SP3: variants seen among roughly 807,000 people sequenced by gnomAD.
SP3 encodes Sp3 transcription factor, also known as transcription factor Sp3.
Under a neutral mutation model 70.3 loss-of-function variants are expected in SP3, and 10 were observed. That is an observed-to-expected ratio of 0.14 (90% CI 0.09 to 0.24). The LOEUF is 0.24. Among genes scored for constraint, SP3 ranks in the 10% least tolerant of loss-of-function variants. The probability of loss-of-function intolerance (pLI) is 1.00; values close to 1 mark genes in which losing one functional copy is unlikely to be tolerated. For synonymous variants in SP3, 402 were observed against 333.5 expected, an observed-to-expected ratio of 1.21 and a Z score of -2.24; for missense variants, 825 against 914.6, an observed-to-expected ratio of 0.90 and a Z score of 1.26.
rs184750710 is a variant in SP3 at position 173,950,767 on chromosome 2, T to C, written c.1639+4106A>G. Among the ~76,000 whole-genome samples, 214 of 152,334 alleles carry C rather than the reference T, an allele frequency of 1.4e-3. 2 individuals carry two copies. The highest frequency in any genetic ancestry group is 3.2e-3 in the Admixed American group (49 of 15,292). On this transcript the variant is annotated intron_variant, in intron 4 of 6. Transcript: ENST00000310015. ...CTGAAACAAAAATGTTTTGCTCTGA[T>C]TTTCTAGTGAGAAAAAGCATCTTAA...
At chr2:173,950,874 G>A (rs1690692332) in intron 4 of SP3, among the ~76,000 whole-genome samples, 1 of 152,028 alleles carries the variant, frequency 6.6e-6, no homozygotes, top group African/African-American at 2.4e-5. Flanking sequence ...TACTAAATAT[G>A]CTATGTCTTA....
At chr2:173,947,542 C>T (rs1276559608) in intron 4 of SP3, among the ~76,000 whole-genome samples, 5 of 152,154 alleles carry the variant, frequency 3.3e-5, no homozygotes, top group Non-Finnish European at 7.4e-5. Context: ...TTCTCATGTA[C>T]AGGATTTGAT....
At chr2:173,931,344 T>TTTGTTGTTGTTGTTG (rs111299743) in intron 4 of SP3, among the ~76,000 whole-genome samples, 1 of 151,254 alleles carries the variant, frequency 6.6e-6, no homozygotes, top group Admixed American at 6.6e-5. Context: ...GCCTGGCATT[T>TTTGTTGTTGTTGTTG]TTGTTGTTGT....
intron 4 of SP3, among the ~76,000 whole-genome samples, chr2:173,920,596 AATTT>A (rs60175008): frequency 9.2e-5 from 14 of 151,488 alleles, no homozygotes; most frequent in East Asian, 7.7e-4. Context: ...GCTCTTTAAA[AATTT>A]ATTTATTTAT....
chr2:173,939,298 G>C (rs528333235), intron 4 of SP3, among the ~76,000 whole-genome samples: 12 of 152,268 alleles, frequency 7.9e-5, no homozygotes, highest in African/African-American at 2.6e-4. Flanking sequence ...ATACCAAAAT[G>C]ATGTATTGGA....
chr2:173,957,191 CCA>C (rs1436313494), intron 3 of SP3, among the ~76,000 whole-genome samples: 10 of 152,182 alleles, frequency 6.6e-5, no homozygotes, highest in Non-Finnish European at 8.8e-5. Flanking sequence ...AGTGGATGAA[CCA>C]CAGTTAAATG....
rs1263449822 is a variant in SP3, at chr2:173,905,243, T to C, written c.*4698A>G. Reference sequence around the variant, plus strand: ...TCTAAAACACTTCACTACAGAAAAATGGAATCTCCAGAGTTAAGGGGGGAG... The same window carrying C: ...TCTAAAACACTTCACTACAGAAAAACGGAATCTCCAGAGTTAAGGGGGGAG... On this transcript the variant is annotated 3_prime_UTR_variant, in exon 7 of 7. Coordinates refer to ENST00000310015, the MANE Select transcript of SP3 (RefSeq NM_003111.5). Among the ~76,000 whole-genome samples, 1 of 152,062 alleles carries C rather than the reference T, an allele frequency of 6.6e-6. No individual in the cohort carries two copies. The highest frequency in any genetic ancestry group is 2.4e-5 in the African/African-American group (1 of 41,400).
At chr2:173,945,516 C>CT (rs1234874151) in intron 4 of SP3, among the ~76,000 whole-genome samples, 4 of 152,248 alleles carry the variant, frequency 2.6e-5, no homozygotes, top group African/African-American at 7.2e-5. Context: ...TTTACAACAT[C>CT]TTTATGTATA....
chr2:173,928,503 TA>T (rs369695925), intron 4 of SP3, among the ~76,000 whole-genome samples: 12,598 of 137,838 alleles, frequency 0.091, 577 homozygotes, highest in African/African-American at 0.15. Context: ...CTTCCTTCAT[TA>T]AAAAAAAAAA....
At chr2:173,932,063 C>A (rs1690082376) in intron 4 of SP3, among the ~76,000 whole-genome samples, 1 of 152,346 alleles carries the variant, frequency 6.6e-6, no homozygotes, top group South Asian at 2.1e-4. Context: ...TCTGGTCTAT[C>A]TGGGCTTTCA....
In SP3 at chr2:173,923,950, C is replaced by G. The variant is rs1484392150; in HGVS notation, c.1640-5165G>C. Reference sequence around the variant, plus strand: ...ATTTCAGAGGTACCAAGTTTTTTTTCAACTTTTCTTCTAAGGGGATAGTTC... The same window carrying G: ...ATTTCAGAGGTACCAAGTTTTTTTTGAACTTTTCTTCTAAGGGGATAGTTC... On this transcript the variant is annotated intron_variant, in intron 4 of 6. Coordinates refer to ENST00000310015, the MANE Select transcript of SP3 (RefSeq NM_003111.5). Among the ~76,000 whole-genome samples the G allele has an allele frequency of 2.0e-5, 3 of 151,692 alleles. No homozygotes were observed. In the South Asian group the frequency reaches 6.2e-4, roughly 32 times the overall value.
chr2:173,945,282 C>A (rs896401064), intron 4 of SP3, among the ~76,000 whole-genome samples: 1 of 152,018 alleles, frequency 6.6e-6, no homozygotes, highest in African/African-American at 2.4e-5. Context: ...TTTAAAATAC[C>A]CAATTTCTTC....
chr2:173,904,373 T>C lies in SP3; in HGVS notation c.*5568A>G, dbSNP rs1689256824. 6.6e-6 allele frequency among the ~76,000 whole-genome samples: 1 copy of C among 152,190 alleles called. No individual in the cohort carries two copies. The highest frequency in any genetic ancestry group is 1.5e-5 in the Non-Finnish European group (1 of 68,026). On this transcript the variant is annotated 3_prime_UTR_variant, in exon 7 of 7. Coordinates refer to ENST00000310015, the MANE Select transcript of SP3 (RefSeq NM_003111.5). ...TATACTGTACCTCAGTTGTCTTAGT[T>C]GGCATTATTTGGTAGCAAGTAACAG...
chr2:173,915,172 T>G (rs1376599574), intron 5 of SP3: 1 of 152,174 alleles, frequency 6.6e-6, no homozygotes, highest in African/African-American at 2.4e-5. Context: ...GGGAAGGTAT[T>G]TTTAACTGAA....
chr2:173,961,949 T>C (rs774142702), intron 3 of SP3, among the ~76,000 whole-genome samples: 1 of 150,734 alleles, frequency 6.6e-6, no homozygotes, highest in Non-Finnish European at 1.5e-5. Context: ...TTTTTTTTTT[T>C]TTTTTTTTTT....
At chr2:173,949,036 T>A (rs933370888) in intron 4 of SP3, among the ~76,000 whole-genome samples, 1 of 152,128 alleles carries the variant, frequency 6.6e-6, no homozygotes, top group Admixed American at 6.6e-5. Context: ...AACAACCTTT[T>A]ATGTTGTGTA....
At chr2:173,962,661 A>G (rs1691124197) in intron 3 of SP3, among the ~76,000 whole-genome samples, 2 of 151,954 alleles carry the variant, frequency 1.3e-5, no homozygotes, top group Non-Finnish European at 2.9e-5. Context: ...AAAAAAAAAT[A>G]CCTGGACATA....
chr2:173,944,734 C>G (rs1285309444), intron 4 of SP3, among the ~76,000 whole-genome samples: 1 of 152,092 alleles, frequency 6.6e-6, no homozygotes, highest in Non-Finnish European at 1.5e-5. Flanking sequence ...TTGTTGCTGA[C>G]TAAATTATGG....
intron 3 of SP3, 89 bp from the exon 4 acceptor site, chr2:173,956,321 C>T: frequency 1.5e-6 from 2 of 1,360,248 alleles, no homozygotes; most frequent in Non-Finnish European, 2.0e-6. Flanking sequence ...AATCCTACTA[C>T]CTGAAAATTC....
Sources: allele counts gnomAD v4.1 joint callset (sites outside exome capture counted in the v4.1 genomes callset), GRCh38; gene constraint gnomAD v4.1.1; transcripts MANE v1.5; gene names NCBI Gene and HGNC (gene_info 2026-07-23, HGNC 2026-07-21).